Variants in TAX1BP1 observed in about 807,000 individuals in gnomAD.
TAX1BP1 encodes the protein tax1-binding protein 1.
In TAX1BP1, 62 loss-of-function variants were observed where a neutral mutation model predicts 97.7. That is an observed-to-expected ratio of 0.63 (90% CI 0.52 to 0.78). TAX1BP1 has a LOEUF of 0.78. Among genes scored for constraint, TAX1BP1 ranks in the 30% least tolerant of loss-of-function variants. TAX1BP1 has a pLI of 0.00. For synonymous variants in TAX1BP1, 340 were observed against 304.2 expected, an observed-to-expected ratio of 1.12 and a Z score of -1.23; for missense variants, 867 against 916.1, an observed-to-expected ratio of 0.95 and a Z score of 0.69.
chr7:27,793,186 CAAAT>C lies in TAX1BP1; in HGVS notation c.1388_1391del (p.Ile463ThrfsTer24), dbSNP rs751863758. The C allele has an allele frequency of 2.5e-6, 4 of 1,587,382 alleles. No individual in the cohort carries two copies. The highest frequency in any genetic ancestry group is 4.5e-5 in the East Asian group (2 of 44,224). On this transcript the variant is annotated frameshift_variant, in exon 10 of 17. Coordinates refer to ENST00000396319, the MANE Select transcript of TAX1BP1 (RefSeq NM_006024.7). LOFTEE classifies it high-confidence loss of function. ...TAAGGAATGCCAAAGGCTCCAAAAA[CAAAT>C]AAACAAACTTTCAGATCAATCAGTA... is the stretch of plus-strand genomic sequence containing the variant.
Position 27,828,733 on chromosome 7 carries a change from G to A in TAX1BP1, c.2274G>A (p.Pro758=), listed in dbSNP as rs376787714. Residue 758 remains proline (P), a synonymous_variant, in exon 17 of 17, where the codon CCG becomes CCA. Transcript: ENST00000396319. ...EHVESHWKVC[P]MCSEQFPPDY... ...TTGAAAGTCACTGGAAGGTGTGCCC[G>A]ATGTGCAGCGAGCAGTTCCCTCCTG... The A allele has an allele frequency of 2.0e-5, 33 of 1,613,974 alleles. No homozygotes were observed. The highest frequency in any genetic ancestry group is 6.7e-5 in the East Asian group (3 of 44,888).
At chr7:27,781,498 C>T (rs1453928315) in intron 5 of TAX1BP1, among the ~76,000 whole-genome samples, 1 of 151,990 alleles carries the variant, frequency 6.6e-6, no homozygotes, top group Admixed American at 6.6e-5. Context: ...ATCTAGATAT[C>T]TTAGAAAAGG....
rs1789723115 is a variant in TAX1BP1, at chr7:27,791,888, G to A, written c.1039-118G>A. The stretch of plus-strand genomic sequence containing the variant: ...TGTAGGCATATACTCTGTAAGTCAT[G>A]AGTAGAAAAACCAATATCTAAAATT... On this transcript the variant is annotated intron_variant, in intron 8 of 16. Transcript: ENST00000396319. 9 of 844,438 alleles carry A rather than the reference G, an allele frequency of 1.1e-5. No individual in the cohort carries two copies. In the East Asian group the frequency reaches 1.6e-4, roughly 15 times the overall value. The allele number at this position is 844,438 out of a possible 1,614,324, so 52.3% of individuals were successfully genotyped here.
intron 1 of TAX1BP1, among the ~76,000 whole-genome samples, chr7:27,744,532 T>C (rs1787747446): frequency 6.6e-6 from 1 of 152,258 alleles, no homozygotes; most frequent in African/African-American, 2.4e-5. Context: ...TTGTTAGGAC[T>C]GGCAAATTAT....
At chr7:27,764,819 G>A (rs1788560134) in intron 3 of TAX1BP1, among the ~76,000 whole-genome samples, 1 of 151,108 alleles carries the variant, frequency 6.6e-6, no homozygotes, top group Admixed American at 6.6e-5. Flanking sequence ...GTGAAATAAA[G>A]TCTAATACCA....
chr7:27,759,002 T>A lies in TAX1BP1; in HGVS notation c.265+869T>A, dbSNP rs1427621112. Among the ~76,000 whole-genome samples, 4 of 149,688 alleles carry A rather than the reference T, an allele frequency of 2.7e-5. No individual in the cohort carries two copies. The South Asian group carries it at 6.5e-4, about 24-fold the overall frequency. ...ACAACTTAAAAACTTGAAAAAAAAA[T>A]AACACTTATTCAGAGATCTATCACA... On this transcript the variant is annotated intron_variant, in intron 3 of 16. Coordinates refer to ENST00000396319, the MANE Select transcript of TAX1BP1 (RefSeq NM_006024.7).
intron 3 of TAX1BP1, 136 bp from the exon 4 acceptor site, chr7:27,765,698 G>A (rs998879861): frequency 6.6e-6 from 5 of 754,198 alleles, no homozygotes; most frequent in Non-Finnish European, 6.3e-6. Context: ...GATAATTTGC[G>A]AAAGGAGGAA....
chr7:27,778,400 A>G (rs1424687492), intron 5 of TAX1BP1, among the ~76,000 whole-genome samples: 3 of 152,004 alleles, frequency 2.0e-5, no homozygotes, highest in Non-Finnish European at 4.4e-5. Context: ...TGTACTTTAT[A>G]TTACGTAGTT....
rs1447262450 is a variant in TAX1BP1 at position 27,816,980 on chromosome 7, G to A, written c.2027G>A (p.Ser676Asn). 3.7e-6 allele frequency: 6 copies of A among 1,614,088 alleles called. No individual in the cohort carries two copies. In the African/African-American group the frequency reaches 6.7e-5, roughly 18 times the overall value. Residue 676 changes from serine to asparagine, a missense_variant, in exon 15 of 17, where the codon AGC (serine) becomes AAC (asparagine). Transcript: ENST00000396319. ...GGACTGGAAGACAATGTTGTCTGCAGCCAGCCTGCTCGAAACTTTAGTCGG... is the reference window on the plus strand; with the variant it reads ...GGACTGGAAGACAATGTTGTCTGCAACCAGCCTGCTCGAAACTTTAGTCGG... ...SWGLEDNVVC[S>N]QPARNFSRPD...
chr7:27,796,864 T>A (rs1450274023), intron 12 of TAX1BP1, among the ~76,000 whole-genome samples: 5 of 151,858 alleles, frequency 3.3e-5, no homozygotes, highest in South Asian at 2.1e-4. Context: ...TAAAAAAAAA[T>A]AATAAATAAA....
At chr7:27,746,277 A>T (rs528068097) in intron 1 of TAX1BP1, among the ~76,000 whole-genome samples, 22 of 152,110 alleles carry the variant, frequency 1.4e-4, no homozygotes, top group Non-Finnish European at 2.6e-4. Context: ...GAAAAATATT[A>T]TTCTCTTAAT....
In TAX1BP1 at chr7:27,765,944, G is replaced by A. The variant is rs1026723497; in HGVS notation, c.376G>A (p.Val126Ile). Residue 126 changes from valine to isoleucine, a missense_variant, in exon 4 of 17, where the codon GTT becomes ATT. Transcript: ENST00000396319. ...TPFQFRASSP[V>I]EELLTMEDEG... ...TTTCCAGTTTCGAGCTTCTTCTCCAGTTGAAGAGCTGCTTACTATGGAAGA... is the reference window on the plus strand; with the variant it reads ...TTTCCAGTTTCGAGCTTCTTCTCCAATTGAAGAGCTGCTTACTATGGAAGA... The A allele has an allele frequency of 1.2e-6, 2 of 1,614,172 alleles. No individual in the cohort carries two copies. Among genetic ancestry groups the A allele is most frequent in the Non-Finnish European group, 1.7e-6 (2 of 1,180,034 alleles).
At chr7:27,805,730 G>C (rs1790312226) in intron 13 of TAX1BP1, among the ~76,000 whole-genome samples, 1 of 152,118 alleles carries the variant, frequency 6.6e-6, no homozygotes, top group Non-Finnish European at 1.5e-5. Context: ...CAGCTACTTG[G>C]GAGGCTGAGG....
intron 3 of TAX1BP1, among the ~76,000 whole-genome samples, chr7:27,761,521 C>G (rs542096886): frequency 6.6e-6 from 1 of 152,248 alleles, no homozygotes; most frequent in African/African-American, 2.4e-5. Context: ...CCCTGGCAAC[C>G]AGTGATGTTT....
intron 3 of TAX1BP1, 97 bp from the exon 4 acceptor site, chr7:27,765,737 A>G: frequency 9.7e-7 from 1 of 1,029,724 alleles, no homozygotes; most frequent in Non-Finnish European, 1.4e-6. Flanking sequence ...TGTCAAGAAC[A>G]GTGTGGGGAA....
chr7:27,805,027 G>A (rs1311356771), intron 13 of TAX1BP1, among the ~76,000 whole-genome samples: 1 of 152,154 alleles, frequency 6.6e-6, no homozygotes, highest in Non-Finnish European at 1.5e-5. Flanking sequence ...TACCTTCAAG[G>A]TAAATTCCTA....
chr7:27,785,230 C>T lies in TAX1BP1; in HGVS notation c.680C>T (p.Ala227Val). 6.2e-7 allele frequency: 1 copy of T among 1,613,340 alleles called. No homozygotes were observed. The highest frequency in any genetic ancestry group is 8.5e-7 in the Non-Finnish European group (1 of 1,179,666). The change falls in exon 6 of 17, where the codon GCT becomes GTT. Residue 227 changes from alanine to valine, a missense_variant. This residue lies in a region of TAX1BP1 where 822 missense variants were observed against 851.4 expected (regional missense o/e 0.97). Coordinates refer to ENST00000396319, the MANE Select transcript of TAX1BP1 (RefSeq NM_006024.7). ...NEEFKKRFSD[A>V]TSKAHQLEED... Reference sequence around the variant, plus strand: ...GAGTTTAAGAAGAGGTTCAGTGATGCTACATCCAAAGCCCATCAGCTTGAG... The same window carrying T: ...GAGTTTAAGAAGAGGTTCAGTGATGTTACATCCAAAGCCCATCAGCTTGAG...
At chr7:27,782,486 G>A (rs1047858310) in intron 5 of TAX1BP1, among the ~76,000 whole-genome samples, 4 of 152,038 alleles carry the variant, frequency 2.6e-5, no homozygotes, top group Admixed American at 6.6e-5. Context: ...CTGACCTCAG[G>A]TGACCCACCC....
chr7:27,779,958 T>C (rs1789190305), intron 5 of TAX1BP1, among the ~76,000 whole-genome samples: 1 of 152,202 alleles, frequency 6.6e-6, no homozygotes, highest in African/African-American at 2.4e-5. Flanking sequence ...GTAATATATA[T>C]CATTTCATTT....
Sources: gnomAD v4.1 joint callset for allele counts (sites outside exome capture counted in the v4.1 genomes callset) on GRCh38, gnomAD v4.1.1 for gene constraint, gnomAD v4.1.1 regional missense constraint, MANE v1.5 for transcripts, NCBI Gene and HGNC (gene_info 2026-07-23, HGNC 2026-07-21) for gene names.